The following CIMIP5 variants were observed in gnomAD, a reference collection of about 807,000 sequenced individuals.
CIMIP5 encodes uncharacterized protein C2orf50.
the CIMIP5 span, among the ~76,000 whole-genome samples, chr2:11,154,554 G>A: frequency 6.6e-6 from 1 of 152,252 alleles, no homozygotes; most frequent in Non-Finnish European, 1.5e-5. Context: ...CTAATACACA[G>A]GCGATTTTCA....
the CIMIP5 span, chr2:11,133,384 A>G: frequency 1.9e-6 from 3 of 1,612,348 alleles, no homozygotes; most frequent in Non-Finnish European, 2.5e-6. Flanking sequence ...TCAGCTGGGT[A>G]CCGATTGCCC....
the CIMIP5 span, among the ~76,000 whole-genome samples, chr2:11,141,313 G>T: frequency 6.6e-6 from 1 of 151,900 alleles, no homozygotes; most frequent in African/African-American, 2.4e-5. Flanking sequence ...ATTTTTAGTA[G>T]AGAGGGGGTT....
chr2:11,141,071 C>T, the CIMIP5 span, among the ~76,000 whole-genome samples: 2 of 150,932 alleles, frequency 1.3e-5, no homozygotes, highest in African/African-American at 4.9e-5. Flanking sequence ...TGATCTAAAC[C>T]ATCTATCTCC....
At chr2:11,134,495 C>T in the CIMIP5 span, among the ~76,000 whole-genome samples, 81 of 152,320 alleles carry the variant, frequency 5.3e-4, no homozygotes, top group African/African-American at 1.9e-3. Context: ...TCCCCCTCCT[C>T]CCAGCCTCTG....
chr2:11,135,980 T>G, the CIMIP5 span, among the ~76,000 whole-genome samples: 120 of 152,354 alleles, frequency 7.9e-4, no homozygotes, highest in African/African-American at 2.7e-3. Flanking sequence ...TTGGGTTATT[T>G]GGTTTGGTGC....
the CIMIP5 span, among the ~76,000 whole-genome samples, chr2:11,135,670 T>G: frequency 9.0e-5 from 10 of 110,946 alleles, no homozygotes; most frequent in African/African-American, 6.0e-4. Flanking sequence ...TTTTTTGGTT[T>G]TTTTTTTTTT....
At chr2:11,147,297 C>T in the CIMIP5 span, among the ~76,000 whole-genome samples, 1 of 152,178 alleles carries the variant, frequency 6.6e-6, no homozygotes. Context: ...CTGCCTTCCC[C>T]GCTCCAGGCC....
At chr2:11,145,121 T>C in the CIMIP5 span, 7 of 152,220 alleles carry the variant, frequency 4.6e-5, no homozygotes, top group African/African-American at 1.7e-4. Flanking sequence ...GTAGCTGGAA[T>C]TACAGGCATG....
At chr2:11,142,743 A>G in the CIMIP5 span, among the ~76,000 whole-genome samples, 1 of 122,026 alleles carries the variant, frequency 8.2e-6, no homozygotes, top group Non-Finnish European at 1.6e-5. Context: ...TTTTTGAGAT[A>G]CGGTCTCACT....
chr2:11,140,883 G>A, the CIMIP5 span, among the ~76,000 whole-genome samples: 1,536 of 152,210 alleles, frequency 0.01, 19 homozygotes, highest in Non-Finnish European at 0.017. Flanking sequence ...GAAGGACAAT[G>A]AGATTGGGTA....
the CIMIP5 span, among the ~76,000 whole-genome samples, chr2:11,150,369 A>G: frequency 6.7e-5 from 10 of 150,206 alleles, no homozygotes; most frequent in Non-Finnish European, 1.2e-4. Context: ...GTCTCGCTCT[A>G]TCACCCAGGC....
the CIMIP5 span, among the ~76,000 whole-genome samples, chr2:11,152,838 C>T: frequency 4.0e-5 from 6 of 151,820 alleles, no homozygotes; most frequent in Admixed American, 1.3e-4. Flanking sequence ...GAGACCCAAA[C>T]GCCTTCCTGC....
chr2:11,145,505 C>CT, the CIMIP5 span: 2 of 152,252 alleles, frequency 1.3e-5, no homozygotes, highest in African/African-American at 4.8e-5. Flanking sequence ...CTTAGTTCCT[C>CT]TTTGTTGGTT....
At chr2:11,140,435 A>T in the CIMIP5 span, 62 of 1,060,358 alleles carry the variant, frequency 5.8e-5, 1 homozygote, top group Admixed American at 1.3e-3. Context: ...TGTTGCATTG[A>T]CTTGACACAG....
chr2:11,143,699 T>C, the CIMIP5 span, among the ~76,000 whole-genome samples: 1 of 152,084 alleles, frequency 6.6e-6, no homozygotes, highest in African/African-American at 2.4e-5. Context: ...TTAAGGGATC[T>C]GGGAGGCACC....
chr2:11,133,485 G>C, the CIMIP5 span: 1 of 1,608,560 alleles, frequency 6.2e-7, no homozygotes, highest in African/African-American at 1.3e-5. Context: ...GGCCCCCCAG[G>C]CTCTGAAGGC....
chr2:11,154,151 A>G, the CIMIP5 span, among the ~76,000 whole-genome samples: 21 of 151,812 alleles, frequency 1.4e-4, no homozygotes, highest in African/African-American at 5.1e-4. Context: ...TAATTTTTGT[A>G]TTTTTAGTAG....
the CIMIP5 span, chr2:11,140,436 C>A: frequency 9.2e-6 from 9 of 975,230 alleles, no homozygotes; most frequent in South Asian, 1.9e-5. Flanking sequence ...GTTGCATTGA[C>A]TTGACACAGT....
the CIMIP5 span, among the ~76,000 whole-genome samples, chr2:11,149,712 A>AAAGT: frequency 2.0e-5 from 3 of 150,790 alleles, no homozygotes; most frequent in East Asian, 5.9e-4. Context: ...ATCTCAAAAA[A>AAAGT]AATTAATTAA....
Sources: allele counts gnomAD v4.1 joint callset (sites outside exome capture counted in the v4.1 genomes callset), GRCh38; gene constraint gnomAD v4.1.1; transcripts MANE v1.5; gene names NCBI Gene and HGNC (gene_info 2026-07-23, HGNC 2026-07-21).